The following RNF43 variants were observed in gnomAD, a reference collection of about 807,000 sequenced individuals.
RNF43 encodes the protein E3 ubiquitin-protein ligase RNF43.
A neutral mutation model predicts 78.4 loss-of-function variants in RNF43; 37 were observed. The ratio of observed to expected loss-of-function variants is 0.47; its 90% CI spans 0.36 to 0.62. The LOEUF (loss-of-function observed/expected upper bound fraction) is 0.62. Among genes scored for constraint, RNF43 ranks in the 20% least tolerant of loss-of-function variants. The pLI is 0.00. For missense variants in RNF43, 774 were observed against 1,007.9 expected (o/e 0.77, Z 3.14); for synonymous variants, 347 against 395.0 (o/e 0.88, Z 1.44).
Position 58,360,328 on chromosome 17 carries a change from T to G in RNF43, c.850-77A>C. The G allele has an allele frequency of 9.7e-7, 1 of 1,027,490 alleles. No individual in the cohort carries two copies. The highest frequency in any genetic ancestry group is 1.3e-5 in the South Asian group (1 of 77,304). 63.6% of individuals were successfully genotyped at this position (1,027,490 alleles called of 1,614,324 possible). ...GCCAGGAATCAGGACATCCCCCAACTCCCTTAGGCCTCTCCTTGCTATTAT... is the reference window on the plus strand; with the variant it reads ...GCCAGGAATCAGGACATCCCCCAACGCCCTTAGGCCTCTCCTTGCTATTAT... On this transcript the variant is annotated intron_variant, in intron 7 of 9. Coordinates refer to ENST00000407977, the MANE Select transcript of RNF43 (RefSeq NM_017763.6). This position sits in a 1 kb window ranked among gnomAD's most constrained non-coding sequence, Gnocchi z 4.3.
At position 58,397,324 on chromosome 17, in the gene RNF43, C is replaced by T. The variant is rs1973703539; in HGVS notation, c.252+18002G>A. Among the ~76,000 whole-genome samples, 6 of 152,140 alleles carry T rather than the reference C, an allele frequency of 3.9e-5. No individual in the cohort carries two copies. The South Asian group carries it at 1.2e-3, about 32-fold the overall frequency. On this transcript the variant is annotated intron_variant, in intron 2 of 9. Coordinates refer to ENST00000407977, the MANE Select transcript of RNF43 (RefSeq NM_017763.6). ...CTACCTAATTCTCAAATACAACTAC[C>T]AATTATGGAACAGAATATTCTGATT...
intron 2 of RNF43, among the ~76,000 whole-genome samples, chr17:58,398,396 C>T (rs1178441120): frequency 6.6e-6 from 1 of 152,168 alleles, no homozygotes; most frequent in Non-Finnish European, 1.5e-5. Context: ...AGGTCCATTA[C>T]ATCTGCTTCT....
chr17:58,389,669 A>G (rs1973510285), intron 2 of RNF43, among the ~76,000 whole-genome samples: 1 of 152,226 alleles, frequency 6.6e-6, no homozygotes, highest in Non-Finnish European at 1.5e-5. Context: ...TCCCCATAAT[A>G]TTAAATTTAC....
intron 2 of RNF43, among the ~76,000 whole-genome samples, chr17:58,395,501 T>C (rs1004792367): frequency 1.3e-5 from 2 of 152,180 alleles, no homozygotes; most frequent in African/African-American, 4.8e-5. Flanking sequence ...ATAGTCACAG[T>C]TCCCTGTGAC....
At chr17:58,397,365 T>C (rs924578701) in intron 2 of RNF43, among the ~76,000 whole-genome samples, 2 of 152,152 alleles carry the variant, frequency 1.3e-5, no homozygotes, top group African/African-American at 4.8e-5. Context: ...AAGTCGCTAA[T>C]AATAAAAGTT....
chr17:58,398,418 T>G (rs538313993), intron 2 of RNF43, among the ~76,000 whole-genome samples: 256 of 152,334 alleles, frequency 1.7e-3, no homozygotes, highest in African/African-American at 6.0e-3. Flanking sequence ...TTTTGATATA[T>G]CTCTGGTTAA....
chr17:58,376,629 A>G (rs1973210497), intron 2 of RNF43, among the ~76,000 whole-genome samples: 1 of 152,220 alleles, frequency 6.6e-6, no homozygotes, highest in African/African-American at 2.4e-5. Context: ...TCAGCCAGGA[A>G]GCGGGCTCTT....
intron 3 of RNF43, among the ~76,000 whole-genome samples, chr17:58,366,675 G>A (rs1179058761): frequency 6.6e-6 from 1 of 152,320 alleles, no homozygotes; most frequent in South Asian, 2.1e-4. Flanking sequence ...CTCTGTGTCT[G>A]TTGTTTTTTT....
Position 58,415,379 on chromosome 17 carries a change from C to T in RNF43, c.199G>A (p.Gly67Ser), listed in dbSNP as rs1371624865. 1 of 1,614,226 alleles carries T rather than the reference C, an allele frequency of 6.2e-7. No individual in the cohort carries two copies. Among genetic ancestry groups the T allele is most frequent in the Non-Finnish European group, 8.5e-7 (1 of 1,180,022 alleles). The part of the protein sequence containing the change: ...PTGKLNLTLE[G>S]VFAGVAEITP... ...ATTTCAGCAACACCAGCAAACACAC[C>T]TTCCAAAGTGAGATTCAGTTTTCCT... Residue 67 changes from glycine (G) to serine (S), a missense_variant, in exon 2 of 10, where the codon GGT (glycine) becomes AGT (serine). By Grantham distance (56) the Gly-to-Ser change is moderately conservative. Transcript: ENST00000407977.
In RNF43 at chr17:58,357,884, C is replaced by T. The variant is rs35946293; in HGVS notation, c.1892G>A (p.Ser631Asn). Residue 631 changes from serine to asparagine, a missense_variant, in exon 9 of 10, where the codon AGC becomes AAC. Coordinates refer to ENST00000407977, the MANE Select transcript of RNF43 (RefSeq NM_017763.6). The surrounding 1 kb of genome is among the most constrained non-coding windows in gnomAD (Gnocchi z 4.5). The part of the protein sequence containing the change: ...EPAPGPVDAS[S>N]ICPSTSSLFN... The stretch of plus-strand genomic sequence containing the variant: ...CAGACTGCTGGTACTGGGGCAGATG[C>T]TGGAGGCGTCAACTGGGCCAGGGGC... 6.2e-7 allele frequency: 1 copy of T among 1,613,926 alleles called. No individual in the cohort carries two copies. Among genetic ancestry groups the T allele is most frequent in the Non-Finnish European group, 8.5e-7 (1 of 1,179,906 alleles).
chr17:58,359,584 A>G (rs1972784484), intron 8 of RNF43, among the ~76,000 whole-genome samples: 1 of 151,194 alleles, frequency 6.6e-6, no homozygotes, highest in Non-Finnish European at 1.5e-5. Context: ...AGCCTGGGCG[A>G]CAGAGCGAGA....
intron 9 of RNF43, among the ~76,000 whole-genome samples, chr17:58,355,402 G>A (rs925988870): frequency 1.3e-5 from 2 of 152,212 alleles, no homozygotes; most frequent in Admixed American, 6.5e-5. Flanking sequence ...ATTAAGGAAG[G>A]AGAGAGACCA....
At chr17:58,406,726 T>C (rs990580472) in intron 2 of RNF43, among the ~76,000 whole-genome samples, 2 of 151,380 alleles carry the variant, frequency 1.3e-5, no homozygotes, top group Non-Finnish European at 2.9e-5. Context: ...AGAAAATGGT[T>C]TGGGGGAAAA....
intron 2 of RNF43, 42 bp downstream of exon 2, chr17:58,415,284 T>C: frequency 6.2e-7 from 1 of 1,606,526 alleles, no homozygotes; most frequent in Non-Finnish European, 8.5e-7. Context: ...AAAGACATAT[T>C]TCAAACAGAT....
chr17:58,357,499 A>AT lies in RNF43; in HGVS notation c.2276dup (p.Tyr759Ter). The AT allele has an allele frequency of 6.2e-7, 1 of 1,614,186 alleles. No individual in the cohort carries two copies. Among genetic ancestry groups the AT allele is most frequent in the Non-Finnish European group, 8.5e-7 (1 of 1,180,030 alleles). Residue 759 changes from tyrosine to a stop codon, truncating the protein, a stop_gained and frameshift_variant, in exon 9 of 10, where the codon TAT becomes TAAT. Transcript: ENST00000407977. LOFTEE classifies it high-confidence loss of function. The surrounding 1 kb of genome is among the most constrained non-coding windows in gnomAD (Gnocchi z 4.5). Reference protein sequence around the residue: ...SDTAEGRPCPYPHCQVLSAQP... With the variant: ...SDTAEGRPCP ...GGGCCGACAGCACCTGGCAGTGCGGATAAGGGCATGGCCTGCCCTCTGCGG... is the reference window on the plus strand; with the variant it reads ...GGGCCGACAGCACCTGGCAGTGCGGATTAAGGGCATGGCCTGCCCTCTGCGG...
rs377180552 is a variant in RNF43 at position 58,386,224 on chromosome 17, G to A, written c.253-15191C>T. On this transcript the variant is annotated intron_variant, in intron 2 of 9. Transcript: ENST00000407977. ...GGGAGGATCACAAGGTTAGGAGTTC[G>A]AGACCAGCCTGGCCAATATGGTGAA... Among the ~76,000 whole-genome samples the A allele has an allele frequency of 7.2e-5, 11 of 152,210 alleles. 1 individual carries two copies. Among genetic ancestry groups the A allele is most frequent in the African/African-American group, 2.6e-4 (11 of 41,546 alleles).
rs780084119 is a variant in RNF43, at chr17:58,360,186, C to G, written c.915G>C (p.Gln305His). 1 of 1,614,004 alleles carries G rather than the reference C, an allele frequency of 6.2e-7. No individual in the cohort carries two copies. The highest frequency in any genetic ancestry group is 1.7e-5 in the Admixed American group (1 of 60,012). ...HRNCVDPWLHQHRTCPLCMFN... is the reference protein window; with the variant it reads ...HRNCVDPWLHHHRTCPLCMFN... ...ACATGCAGAGGGGGCAAGTCCGATG[C>G]TGATGTAACCAGGGGTCCACACAGT... The change falls in exon 8 of 10, where the codon CAG becomes CAC. Residue 305 changes from glutamine to histidine, a missense_variant. Physicochemically the swap from Gln to His is conservative, Grantham distance 24. Transcript: ENST00000407977. This position sits in a 1 kb window ranked among gnomAD's most constrained non-coding sequence, Gnocchi z 4.3.
intron 2 of RNF43, among the ~76,000 whole-genome samples, chr17:58,384,848 A>C (rs1316536774): frequency 6.6e-6 from 1 of 152,214 alleles, no homozygotes; most frequent in Non-Finnish European, 1.5e-5. Context: ...CATTAGCTTA[A>C]ATGAAAAATG....
rs753073311 is a variant in RNF43 at position 58,357,841 on chromosome 17, G to C, written c.1935C>G (p.Ser645=). 6.2e-7 allele frequency: 1 copy of C among 1,614,186 alleles called. No individual in the cohort carries two copies. Among genetic ancestry groups the C allele is most frequent in the East Asian group, 2.2e-5 (1 of 44,880 alleles). The change falls in exon 9 of 10, where the codon TCC becomes TCG. Residue 645 remains serine, a synonymous_variant. Coordinates refer to ENST00000407977, the MANE Select transcript of RNF43 (RefSeq NM_017763.6). The surrounding 1 kb of genome is among the most constrained non-coding windows in gnomAD (Gnocchi z 4.5). The part of the protein sequence containing the change: ...STSSLFNLQK[S]SLSARHPQRK... Reference sequence around the variant, plus strand: ...TCTGTGGGTGTCGGGCAGAGAGGCTGGATTTTTGCAAGTTGAACAGACTGC... The same window carrying C: ...TCTGTGGGTGTCGGGCAGAGAGGCTCGATTTTTGCAAGTTGAACAGACTGC...
Sources: gnomAD v4.1 joint callset for allele counts (sites outside exome capture counted in the v4.1 genomes callset) on GRCh38, gnomAD v4.1.1 for gene constraint, Gnocchi (gnomAD v3.1) non-coding constraint, MANE v1.5 for transcripts, NCBI Gene and HGNC (gene_info 2026-07-23, HGNC 2026-07-21) for gene names.